The following TAMM41 variants were observed in gnomAD, a reference collection of about 807,000 sequenced individuals.
TAMM41 encodes TAM41 mitochondrial translocator assembly and maintenance homolog, also known as phosphatidate cytidylyltransferase, mitochondrial.
Under a neutral mutation model 44.1 loss-of-function variants are expected in TAMM41, and 36 were observed. The observed-to-expected ratio is 0.82, with a 90% confidence interval of 0.63 to 1.08. The LOEUF (loss-of-function observed/expected upper bound fraction) is 1.08. TAMM41 is among the 50% of genes least tolerant of loss of function. TAMM41 has a pLI of 0.00. For synonymous variants in TAMM41, 164 were observed against 153.1 expected, an observed-to-expected ratio of 1.07 and a Z score of -0.53; for missense variants, 417 against 404.3, an observed-to-expected ratio of 1.03 and a Z score of -0.27.
chr3:11,787,253 A>C (rs1267091633), downstream of TAMM41, among the ~76,000 whole-genome samples: 1 of 152,144 alleles, frequency 6.6e-6, no homozygotes, highest in Non-Finnish European at 1.5e-5. Context: ...GAAGCAAGTC[A>C]CTAAGGCCCA....
intron 7 of TAMM41, among the ~76,000 whole-genome samples, chr3:11,794,329 G>A (rs2124917542): frequency 2.6e-5 from 4 of 151,908 alleles, no homozygotes; most frequent in Middle Eastern, 3.4e-3. Flanking sequence ...GTAGAGATGG[G>A]GTCTTGCTTT....
chr3:11,779,905 T>C, the TAMM41 span, among the ~76,000 whole-genome samples: 1 of 152,260 alleles, frequency 6.6e-6, no homozygotes, highest in South Asian at 2.1e-4. Context: ...CATTCTCCCA[T>C]TTGTGCCAGC....
At chr3:11,800,412 C>A (rs530258463) in intron 7 of TAMM41, among the ~76,000 whole-genome samples, 35 of 152,012 alleles carry the variant, frequency 2.3e-4, no homozygotes, top group African/African-American at 6.3e-4. Context: ...ATGCTACCTA[C>A]AAGAAACTCA....
At chr3:11,809,404 G>T in intron 6 of TAMM41, 113 bp downstream of exon 6, 1 of 1,235,500 alleles carries the variant, frequency 8.1e-7, no homozygotes, top group Non-Finnish European at 1.1e-6. Context: ...CTTCTGAGAG[G>T]CAATCTCTCT....
At chr3:11,767,779 C>T in the TAMM41 span, among the ~76,000 whole-genome samples, 2,458 of 151,498 alleles carry the variant, frequency 0.016, 69 homozygotes, top group African/African-American at 0.056. Flanking sequence ...GCATGTGCCA[C>T]CACACCTGGC....
Position 11,844,332 on chromosome 3 carries a change from C to T in TAMM41, c.136-121G>A, listed in dbSNP as rs190939441. Reference sequence around the variant, plus strand: ...CAATAGTCAGAAGGCCTGGTGCTGTCATCAGAAATGTGAGCGAGTCTCTGG... The same window carrying T: ...CAATAGTCAGAAGGCCTGGTGCTGTTATCAGAAATGTGAGCGAGTCTCTGG... On this transcript the variant is annotated intron_variant, in intron 1 of 7. Transcript: ENST00000455809. The T allele has an allele frequency of 5.3e-5, 48 of 898,204 alleles. No individual in the cohort carries two copies. In the African/African-American group the frequency reaches 6.4e-4, roughly 12 times the overall value. 55.6% of individuals were successfully genotyped at this position (898,204 alleles called of 1,614,324 possible). A position where few individuals can be genotyped will look rare whatever the true frequency, so the allele number is the denominator to read the frequency against.
the TAMM41 span, among the ~76,000 whole-genome samples, chr3:11,783,169 C>A: frequency 1.3e-5 from 2 of 152,210 alleles, no homozygotes; most frequent in Non-Finnish European, 2.9e-5. Flanking sequence ...GTCACTTGGG[C>A]TCTGATATTA....
chr3:11,750,785 C>G, the TAMM41 span, among the ~76,000 whole-genome samples: 2 of 152,174 alleles, frequency 1.3e-5, no homozygotes, highest in Non-Finnish European at 2.9e-5. Flanking sequence ...AGGCTGACAA[C>G]AGTTTTATTG....
chr3:11,753,598 G>C, the TAMM41 span, among the ~76,000 whole-genome samples: 1 of 151,436 alleles, frequency 6.6e-6, no homozygotes, highest in African/African-American at 2.4e-5. Flanking sequence ...AAAAGTGGGC[G>C]TGGTGGCGGG....
chr3:11,738,197 C>A, the TAMM41 span, among the ~76,000 whole-genome samples: 29,473 of 152,074 alleles, frequency 0.19, 4,633 homozygotes, highest in African/African-American at 0.43. Context: ...CTAAGAGTAC[C>A]TTTGTAAACT....
intron 7 of TAMM41, chr3:11,807,449 C>G: frequency 6.5e-7 from 1 of 1,534,440 alleles, no homozygotes; most frequent in Non-Finnish European, 8.7e-7. Context: ...CAAAAATAAC[C>G]CACTAAGACA....
At chr3:11,823,847 G>A (rs1177233506) in intron 4 of TAMM41, among the ~76,000 whole-genome samples, 1 of 99,376 alleles carries the variant, frequency 1.0e-5, no homozygotes, top group Admixed American at 1.1e-4. Context: ...TTTTTTTTGA[G>A]ACAGAGTCTT....
chr3:11,766,431 G>A, the TAMM41 span, among the ~76,000 whole-genome samples: 1 of 152,146 alleles, frequency 6.6e-6, no homozygotes, highest in African/African-American at 2.4e-5. Context: ...GCCTCCCAAA[G>A]TGCTGGGAAT....
intron 6 of TAMM41, chr3:11,808,542 G>A (rs368218940): frequency 2.0e-6 from 2 of 985,488 alleles, no homozygotes; most frequent in African/African-American, 3.5e-5. Context: ...AAGCATTACT[G>A]GAAATTCTAT....
At chr3:11,725,351 CT>C in the TAMM41 span, among the ~76,000 whole-genome samples, 1,317 of 79,588 alleles carry the variant, frequency 0.017, 31 homozygotes, top group African/African-American at 0.051. Context: ...CCTCCTCCTC[CT>C]TTTTTTTCTT....
At chr3:11,727,132 A>G in the TAMM41 span, among the ~76,000 whole-genome samples, 4 of 152,218 alleles carry the variant, frequency 2.6e-5, no homozygotes, top group Non-Finnish European at 4.4e-5. Context: ...TAACAATTCT[A>G]TTGTAAGGTA....
chr3:11,800,525 C>T (rs978570499), intron 7 of TAMM41, among the ~76,000 whole-genome samples: 1 of 138,610 alleles, frequency 7.2e-6, no homozygotes, highest in Non-Finnish European at 1.5e-5. Flanking sequence ...TCAAATAAAA[C>T]AGACTCTAAA....
the TAMM41 span, among the ~76,000 whole-genome samples, chr3:11,765,372 A>C: frequency 1.3e-5 from 2 of 152,202 alleles, no homozygotes; most frequent in Non-Finnish European, 2.9e-5. Flanking sequence ...TGAATCAGGA[A>C]TTCATGTAAT....
At chr3:11,790,404 CTT>C, downstream of TAMM41, 2 of 1,118,880 alleles carry the variant, frequency 1.8e-6, no homozygotes, top group Non-Finnish European at 2.7e-6. Flanking sequence ...ACCAGGGTAT[CTT>C]TGAATTCAAG....
Sources: allele counts gnomAD v4.1 joint callset (sites outside exome capture counted in the v4.1 genomes callset), GRCh38; gene constraint gnomAD v4.1.1; transcripts MANE v1.5; gene names NCBI Gene and HGNC (gene_info 2026-07-23, HGNC 2026-07-21).